The following DLG5 variants were observed in gnomAD, a reference collection of about 807,000 sequenced individuals.
DLG5 encodes disks large homolog 5.
Under a neutral mutation model 189.8 loss-of-function variants are expected in DLG5, and 48 were observed. The observed-to-expected ratio is 0.25, with a 90% CI of 0.20 to 0.32. DLG5 has a LOEUF of 0.32. DLG5 is among the 10% of genes least tolerant of loss of function. DLG5 has a pLI of 1.00. For missense variants in DLG5, 2,160 were observed against 2,544.7 expected (o/e 0.85, Z 3.25); for synonymous variants, 1,016 against 1,054.1 (o/e 0.96, Z 0.70).
At chr10:77,880,322 C>T (rs34722288) in intron 1 of DLG5, among the ~76,000 whole-genome samples, 10,502 of 152,132 alleles carry the variant, frequency 0.069, 558 homozygotes, top group East Asian at 0.21. Context: ...GCCATGGTGG[C>T]GCATGCCTGT....
Position 77,875,008 on chromosome 10 carries a change from T to G in DLG5, c.305-5811A>C, listed in dbSNP as rs1845039407. Among the ~76,000 whole-genome samples, 3 of 152,254 alleles carry G rather than the reference T, an allele frequency of 2.0e-5. No homozygotes were observed. The South Asian group carries it at 6.2e-4, about 31-fold the overall frequency. ...AGTACTGGGACTGTGCTAAGCACTT[T>G]GCATGTATTGCCTCCATTAATTTCC... On this transcript the variant is annotated intron_variant, in intron 1 of 31. Transcript: ENST00000372391.
chr10:77,900,482 G>A (rs972074450), intron 1 of DLG5, among the ~76,000 whole-genome samples: 20 of 152,084 alleles, frequency 1.3e-4, no homozygotes, highest in African/African-American at 3.9e-4. Flanking sequence ...CCTTCACCCC[G>A]GGGCCCCCTT....
At chr10:77,929,834 T>C (rs1325037725), upstream of DLG5, 1 of 152,320 alleles carries the variant, frequency 6.6e-6, no homozygotes, top group East Asian at 1.9e-4. Flanking sequence ...GAGTCAGTGG[T>C]TCTTGTTTTA....
Position 77,819,941 on chromosome 10 carries a change from G to A in DLG5, c.3480C>T (p.Ser1160=). 3 of 1,608,674 alleles carry A rather than the reference G, an allele frequency of 1.9e-6. No individual in the cohort carries two copies. The highest frequency in any genetic ancestry group is 2.5e-6 in the Non-Finnish European group (3 of 1,177,632). Residue 1160 remains serine (S), a synonymous_variant, in exon 16 of 32, where the codon TCC becomes TCT. Transcript: ENST00000372391. ...ATAGCGGGGGGTTGCTGTGCCGGCT[G>A]GAATGCCCAGGCGAGTAAGGTGCCC... ...QEWAPYSPGH[S]SRHSNPPLYP...
intron 1 of DLG5, among the ~76,000 whole-genome samples, chr10:77,906,902 A>G (rs1846086160): frequency 1.3e-5 from 2 of 152,024 alleles, no homozygotes. Flanking sequence ...CTGGGATTAC[A>G]GGTATGAGCC....
At chr10:77,816,951 T>C (rs1842085971) in intron 19 of DLG5, 56 bp downstream of exon 19, 4 of 1,545,880 alleles carry the variant, frequency 2.6e-6, no homozygotes, top group Non-Finnish European at 1.8e-6. Context: ...GACTCCACCA[T>C]GAGGAGTCAG....
chr10:77,812,468 G>C, intron 20 of DLG5, 91 bp from the exon 21 acceptor site: 3 of 1,443,642 alleles, frequency 2.1e-6, no homozygotes, highest in Admixed American at 4.2e-5. Context: ...TGATCTGACA[G>C]TGCAGAAAGG....
At chr10:77,828,297 C>A (rs781596128) in intron 13 of DLG5, among the ~76,000 whole-genome samples, 1 of 151,918 alleles carries the variant, frequency 6.6e-6, no homozygotes, top group Non-Finnish European at 1.5e-5. Context: ...ACCAGCCTGG[C>A]CAACATGGTG....
intron 20 of DLG5, among the ~76,000 whole-genome samples, chr10:77,814,623 G>A (rs1005450005): frequency 6.6e-6 from 1 of 151,504 alleles, no homozygotes; most frequent in Non-Finnish European, 1.5e-5. Flanking sequence ...CACCCAGGCT[G>A]GAGTGCAGTG....
At chr10:77,886,155 C>T (rs1845431402) in intron 1 of DLG5, among the ~76,000 whole-genome samples, 1 of 152,124 alleles carries the variant, frequency 6.6e-6, no homozygotes, top group Non-Finnish European at 1.5e-5. Flanking sequence ...TGTCTCAGGA[C>T]CCCTTCCTAT....
chr10:77,917,699 T>C (rs1846404150), intron 1 of DLG5, among the ~76,000 whole-genome samples: 1 of 152,116 alleles, frequency 6.6e-6, no homozygotes, highest in South Asian at 2.1e-4. Context: ...TTTCTAGAGA[T>C]GGATGGTGCT....
intron 6 of DLG5, 59 bp downstream of exon 6, chr10:77,843,388 G>T: frequency 6.4e-7 from 1 of 1,572,914 alleles, no homozygotes; most frequent in Non-Finnish European, 8.7e-7. Context: ...ATCCCCTGGT[G>T]GTGGCTGGGA....
chr10:77,793,871 T>G (rs1325444156), intron 31 of DLG5, 137 bp downstream of exon 31: 1 of 716,322 alleles, frequency 1.4e-6, no homozygotes, highest in African/African-American at 1.8e-5. Flanking sequence ...ACACCTGACT[T>G]GTCAGGAACG....
chr10:77,817,723 A>G, intron 18 of DLG5, 54 bp downstream of exon 18: 2 of 1,458,128 alleles, frequency 1.4e-6, no homozygotes, highest in Non-Finnish European at 1.9e-6. Context: ...GGATGCAGGC[A>G]GAGATGAAAA....
chr10:77,931,071 C>T (rs1028614884), upstream of DLG5, among the ~76,000 whole-genome samples: 5 of 152,018 alleles, frequency 3.3e-5, no homozygotes, highest in African/African-American at 7.3e-5. Flanking sequence ...CTGCCCTCCT[C>T]GGCCTCCCAA....
chr10:77,899,167 ACT>A (rs1042357837), intron 1 of DLG5, among the ~76,000 whole-genome samples: 13 of 152,092 alleles, frequency 8.5e-5, no homozygotes, highest in African/African-American at 3.1e-4. Flanking sequence ...GATGGCACTG[ACT>A]CTGCTGTGGC....
intron 13 of DLG5, among the ~76,000 whole-genome samples, chr10:77,826,167 C>T (rs1277489962): frequency 2.6e-5 from 4 of 152,192 alleles, no homozygotes; most frequent in African/African-American, 9.7e-5. Context: ...TACCCCAGGG[C>T]ACACTCCTGG....
rs778169600 is a variant in DLG5 at position 77,821,634 on chromosome 10, G to T, written c.2850C>A (p.Ala950=). The part of the protein sequence containing the change: ...GSNSGGTWPK[A]MLSSTAVPEK... ...CAGGCACTGCCGTGGAGCTGAGCAT[G>T]GCCTTGGGCCAGGTCCCGCCGCTGT... Residue 950 remains alanine (A), a synonymous_variant, in exon 15 of 32, where the codon GCC becomes GCA. Transcript: ENST00000372391. The T allele has an allele frequency of 6.2e-7, 1 of 1,612,838 alleles. No homozygotes were observed. The highest frequency in any genetic ancestry group is 1.7e-5 in the Admixed American group (1 of 59,982).
intron 1 of DLG5, among the ~76,000 whole-genome samples, chr10:77,922,667 A>G (rs1157628268): frequency 6.6e-6 from 1 of 152,146 alleles, no homozygotes; most frequent in East Asian, 1.9e-4. Flanking sequence ...CTTCTTCCTT[A>G]CAGACAGGGC....
Sources: gnomAD v4.1 joint callset for allele counts (sites outside exome capture counted in the v4.1 genomes callset) on GRCh38, gnomAD v4.1.1 for gene constraint, MANE v1.5 for transcripts, NCBI Gene and HGNC (gene_info 2026-07-23, HGNC 2026-07-21) for gene names.